Variants in RXFP2 observed in about 807,000 individuals in gnomAD.
RXFP2 encodes the protein relaxin family peptide receptor 2, also known as relaxin receptor 2.
In RXFP2, 68 loss-of-function variants were observed where a neutral mutation model predicts 88.6. The observed-to-expected ratio is 0.77, with a 90% CI of 0.63 to 0.94. The LOEUF (loss-of-function observed/expected upper bound fraction) is 0.94, where lower values mean the gene tolerates loss of function less well. Among genes scored for constraint, RXFP2 ranks in the 40% least tolerant of loss-of-function variants. The pLI, the probability that RXFP2 is intolerant of heterozygous loss-of-function variation, is 0.00. For missense variants in RXFP2, 791 were observed against 893.9 expected, an observed-to-expected ratio of 0.88 and a Z score of 1.47; for synonymous variants, 329 against 306.8, an observed-to-expected ratio of 1.07 and a Z score of -0.76.
intron 5 of RXFP2, among the ~76,000 whole-genome samples, chr13:31,773,256 C>T (rs1872798491): frequency 6.6e-6 from 1 of 152,186 alleles, no homozygotes; most frequent in East Asian, 1.9e-4. Context: ...CACTGGGTTT[C>T]AAGTTTACTT....
rs750636971 is a variant in RXFP2 at position 31,771,802 on chromosome 13, AAG to A, written c.498-2816_498-2815del. 1.3e-3 allele frequency among the ~76,000 whole-genome samples: 141 copies of A among 111,028 alleles called. 1 individual carries two copies. Among genetic ancestry groups the A allele is most frequent in the African/African-American group, 3.8e-3 (124 of 32,352 alleles). 72.8% of individuals were successfully genotyped at this position (111,028 alleles called of 152,430 possible). A position where few individuals can be genotyped will look rare whatever the true frequency, so the allele number is the denominator to read the frequency against. On this transcript the variant is annotated intron_variant, in intron 5 of 17. Transcript: ENST00000298386. ...GCGTAACTCTGTCTTAAAAAAAAAA[AAG>A]AAAGAAAGAAAGAAAAAAGAAAAAT...
rs1341950833 is a variant in RXFP2 at position 31,802,339 on chromosome 13, T to C, written c.2199T>C (p.Ser733=). 12 of 1,613,544 alleles carry C rather than the reference T, an allele frequency of 7.4e-6. No individual in the cohort carries two copies. Among genetic ancestry groups the C allele is most frequent in the Non-Finnish European group, 1.0e-5 (12 of 1,179,618 alleles). ...STSIVWIEDS[S]SLKLGVLNKI... ...CCATTGTGTGGATAGAGGACTCCTC[T>C]TCCCTGAAACTTGGGGTTTTGAACA... is the stretch of plus-strand genomic sequence containing the variant. The change falls in exon 18 of 18, where the codon TCT becomes TCC. Residue 733 remains serine, a synonymous_variant. Coordinates refer to ENST00000298386, the MANE Select transcript of RXFP2 (RefSeq NM_130806.5).
intron 13 of RXFP2, among the ~76,000 whole-genome samples, chr13:31,787,034 A>C (rs1361627414): frequency 3.3e-5 from 5 of 152,200 alleles, no homozygotes; most frequent in African/African-American, 1.2e-4. Context: ...TGTACAGTGC[A>C]TTGTTTTACT....
intron 17 of RXFP2, among the ~76,000 whole-genome samples, chr13:31,801,280 G>A (rs1874328706): frequency 6.6e-6 from 1 of 152,066 alleles, no homozygotes; most frequent in South Asian, 2.1e-4. Context: ...CCTGTGGTAA[G>A]GTTTGAGGAT....
At chr13:31,785,000 T>A (rs1244944114) in intron 11 of RXFP2, among the ~76,000 whole-genome samples, 1 of 152,162 alleles carries the variant, frequency 6.6e-6, no homozygotes, top group East Asian at 1.9e-4. Flanking sequence ...CCGGAGTAAA[T>A]GATGCCATTG....
intron 9 of RXFP2, among the ~76,000 whole-genome samples, chr13:31,779,766 C>G (rs1873180946): frequency 1.3e-5 from 2 of 152,162 alleles, no homozygotes; most frequent in African/African-American, 4.8e-5. Flanking sequence ...AGTACTTCAG[C>G]TTTTGATCCC....
At chr13:31,799,917 G>A (rs1200546352) in intron 17 of RXFP2, among the ~76,000 whole-genome samples, 6 of 152,064 alleles carry the variant, frequency 3.9e-5, no homozygotes, top group Non-Finnish European at 8.8e-5. Flanking sequence ...CATCCTCAGC[G>A]AGTCTACGAC....
At chr13:31,762,372 A>C (rs1414023390) in intron 3 of RXFP2, among the ~76,000 whole-genome samples, 2 of 152,204 alleles carry the variant, frequency 1.3e-5, no homozygotes, top group Non-Finnish European at 2.9e-5. Context: ...CAGGATGAGC[A>C]GAGGAGCAAG....
rs761227490 is a variant in RXFP2 at position 31,802,291 on chromosome 13, TAA to T, written c.2160_2161del (p.Ser721PhefsTer95). On this transcript the variant is annotated frameshift_variant, in exon 18 of 18. Transcript: ENST00000298386. LOFTEE classifies it high-confidence loss of function. ...ATCAGAGGAAATCAATTTTCAAAAT[TAA>T]AAAAAAAAGTTTATCTACATCCATT... ...KHQRKSIFKIKKKSLSTSIVW... is the reference protein window; with the variant it reads ...KHQRKSIFKIXKKSLSTSIVW... 9 of 1,554,396 alleles carry T rather than the reference TAA, an allele frequency of 5.8e-6. No individual in the cohort carries two copies. Among genetic ancestry groups the T allele is most frequent in the Non-Finnish European group, 7.9e-6 (9 of 1,135,840 alleles).
intron 17 of RXFP2, among the ~76,000 whole-genome samples, chr13:31,801,113 G>A (rs1445716889): frequency 6.6e-6 from 1 of 151,982 alleles, no homozygotes; most frequent in Non-Finnish European, 1.5e-5. Flanking sequence ...GTCAAGAGAA[G>A]AACAAAATAA....
chr13:31,743,779 A>T (rs1293666596), intron 1 of RXFP2, among the ~76,000 whole-genome samples: 1 of 150,446 alleles, frequency 6.6e-6, no homozygotes, highest in Non-Finnish European at 1.5e-5. Context: ...TGCTGTCCTC[A>T]CCTCTGAAAT....
intron 9 of RXFP2, 92 bp downstream of exon 9, chr13:31,778,675 A>T: frequency 1.1e-6 from 1 of 940,408 alleles, no homozygotes; most frequent in Non-Finnish European, 1.8e-6. Context: ...AAGTCCATCT[A>T]TAATTTCTTT....
intron 1 of RXFP2, among the ~76,000 whole-genome samples, chr13:31,740,671 A>C (rs1871195734): frequency 6.6e-6 from 1 of 152,058 alleles, no homozygotes; most frequent in South Asian, 2.1e-4. Context: ...GATTTTTAAA[A>C]GGCTTAAAAT....
chr13:31,759,388 A>AGAAAGAAAGAAAGAAAGAAAGAAG, intron 2 of RXFP2, among the ~76,000 whole-genome samples: 8 of 138,202 alleles, frequency 5.8e-5, no homozygotes, highest in Non-Finnish European at 3.2e-5. Flanking sequence ...AAAGAAAGAA[A>AGAAAGAAAGAAAGAAAGAAAGAAG]GAAAGAAAGA....
intron 1 of RXFP2, among the ~76,000 whole-genome samples, chr13:31,751,197 CAGG>C (rs1275578824): frequency 1.3e-5 from 2 of 152,058 alleles, no homozygotes; most frequent in Admixed American, 1.3e-4. Flanking sequence ...GAGGCTGAGG[CAGG>C]AGAATCACTT....
In RXFP2 at chr13:31,761,586, TCTTA is replaced by T. The variant is rs1206376693; in HGVS notation, c.242-135_242-132del. 14 of 642,500 alleles carry T rather than the reference TCTTA, an allele frequency of 2.2e-5. No homozygotes were observed. In the East Asian group the frequency reaches 4.0e-4, roughly 18 times the overall value. 39.8% of individuals were successfully genotyped at this position (642,500 alleles called of 1,614,324 possible). ...GCAGATGTTTGCCTAACTTTTTCTC[TCTTA>T]CTATGTATTTAAAATATCAATAATT... is the stretch of plus-strand genomic sequence containing the variant. On this transcript the variant is annotated intron_variant, in intron 2 of 17. Coordinates refer to ENST00000298386, the MANE Select transcript of RXFP2 (RefSeq NM_130806.5).
intron 14 of RXFP2, among the ~76,000 whole-genome samples, chr13:31,790,203 A>G (rs1397666047): frequency 6.6e-6 from 1 of 152,146 alleles, no homozygotes; most frequent in Non-Finnish European, 1.5e-5. Context: ...ATTTATTGAA[A>G]CATCCCCACC....
chr13:31,794,420 A>G (rs952174956), intron 16 of RXFP2, among the ~76,000 whole-genome samples: 5 of 149,926 alleles, frequency 3.3e-5, no homozygotes, highest in African/African-American at 1.2e-4. Flanking sequence ...CATGACATGC[A>G]TTGTTCAAAT....
At chr13:31,794,691 A>G (rs1407344465) in intron 16 of RXFP2, among the ~76,000 whole-genome samples, 3 of 152,164 alleles carry the variant, frequency 2.0e-5, no homozygotes, top group Non-Finnish European at 4.4e-5. Flanking sequence ...AGGAGGTATT[A>G]GCCAAGCGAA....
Sources: allele counts gnomAD v4.1 joint callset (sites outside exome capture counted in the v4.1 genomes callset), GRCh38; gene constraint gnomAD v4.1.1; transcripts MANE v1.5; gene names NCBI Gene and HGNC (gene_info 2026-07-23, HGNC 2026-07-21).